Variants in ZFP82 observed in about 807,000 individuals in gnomAD.
ZFP82 encodes zinc finger protein 82 homolog.
In ZFP82, 30 loss-of-function variants were observed where a neutral mutation model predicts 54.0. The observed-to-expected ratio is 0.56, with a 90% CI of 0.42 to 0.75. The LOEUF (loss-of-function observed/expected upper bound fraction) is 0.75, where lower values mean the gene tolerates loss of function less well. Among genes scored for constraint, ZFP82 ranks in the 30% least tolerant of loss-of-function variants. The pLI is 0.00. For synonymous variants in ZFP82, 194 were observed against 209.5 expected, an observed-to-expected ratio of 0.93 and a Z score of 0.64; for missense variants, 500 against 636.8, an observed-to-expected ratio of 0.79 and a Z score of 2.31.
downstream of ZFP82, chr19:36,383,732 C>T (rs910857314): frequency 6.6e-5 from 10 of 152,112 alleles, no homozygotes; most frequent in African/African-American, 2.4e-4. Context: ...ATTGTATCCA[C>T]ATTTAACGTA....
rs1365419062 is a variant in ZFP82, at chr19:36,393,501, T to C, written c.839A>G (p.Lys280Arg). The C allele has an allele frequency of 6.2e-7, 1 of 1,614,172 alleles. No individual in the cohort carries two copies. The highest frequency in any genetic ancestry group is 8.5e-7 in the Non-Finnish European group (1 of 1,180,022). Residue 280 changes from lysine to arginine, a missense_variant, in exon 5 of 5, where the codon AAA becomes AGA. By Grantham distance (26) the Lys-to-Arg change is conservative (BLOSUM62 2). Transcript: ENST00000392161. ...TCCACACTCTTTACACACATAGGGT[T>C]TCTCACCAGTATGAATCCTCTGATG... ...TLHQRIHTGE[K>R]PYVCKECGKA...
rs370159081 is a variant in ZFP82, at chr19:36,393,388, C to A, written c.952G>T (p.Ala318Ser). The A allele has an allele frequency of 2.5e-6, 4 of 1,614,022 alleles. No homozygotes were observed. Among genetic ancestry groups the A allele is most frequent in the Admixed American group, 1.7e-5 (1 of 60,000 alleles). The change falls in exon 5 of 5, where the codon GCC becomes TCC. Residue 318 changes from alanine to serine, a missense_variant. By Grantham distance (99) the Ala-to-Ser change is moderately conservative (BLOSUM62 1). Coordinates refer to ENST00000392161, the MANE Select transcript of ZFP82 (RefSeq NM_133466.4). Reference protein sequence around the residue: ...RLYECKECGKAFLCGSGLRVH... With the variant: ...RLYECKECGKSFLCGSGLRVH... ...CTAAGACCAGAGCCACACAAAAAGG[C>A]CTTCCCACATTCTTTGCATTCATAG...
At chr19:36,406,875 AT>A (rs1381721901) in intron 3 of ZFP82, among the ~76,000 whole-genome samples, 5 of 152,118 alleles carry the variant, frequency 3.3e-5, no homozygotes, top group Admixed American at 3.3e-4. Flanking sequence ...GATACATGTC[AT>A]TGTGGAATTA....
intron 4 of ZFP82, among the ~76,000 whole-genome samples, chr19:36,403,842 T>G (rs2032436665): frequency 1.3e-5 from 2 of 148,354 alleles, no homozygotes. Flanking sequence ...ATATGAAACT[T>G]TAGTTGCTGA....
downstream of ZFP82, among the ~76,000 whole-genome samples, chr19:36,384,630 A>G (rs1311722604): frequency 6.6e-6 from 1 of 152,226 alleles, no homozygotes; most frequent in African/African-American, 2.4e-5. Flanking sequence ...TCCTTCAAGT[A>G]GGATTAAGTA....
chr19:36,389,923 G>T lies in ZFP82; in HGVS notation c.*2818C>A, dbSNP rs1483787101. Among the ~76,000 whole-genome samples the T allele has an allele frequency of 6.6e-6, 1 of 151,978 alleles. No homozygotes were observed. Among genetic ancestry groups the T allele is most frequent in the African/African-American group, 2.4e-5 (1 of 41,334 alleles). On this transcript the variant is annotated 3_prime_UTR_variant, in exon 5 of 5. Coordinates refer to ENST00000392161, the MANE Select transcript of ZFP82 (RefSeq NM_133466.4). ...TCATACACCAATTCAATATTCCCCT[G>T]CCCTAACTAGACAATTACGAATCCC... is the stretch of plus-strand genomic sequence containing the variant.
At chr19:36,411,203 A>AAG (rs397693623) in intron 1 of ZFP82, among the ~76,000 whole-genome samples, 5 of 151,372 alleles carry the variant, frequency 3.3e-5, no homozygotes, top group Admixed American at 3.3e-4. Flanking sequence ...AAAAAAAAAA[A>AAG]GGAAATAAAA....
intron 1 of ZFP82, among the ~76,000 whole-genome samples, chr19:36,411,699 A>C (rs2032582893): frequency 6.6e-6 from 1 of 152,094 alleles, no homozygotes; most frequent in South Asian, 2.1e-4. Context: ...CCCCGTCTCT[A>C]CTAAAAATAC....
intron 4 of ZFP82, among the ~76,000 whole-genome samples, chr19:36,399,878 T>G (rs1315045906): frequency 6.6e-6 from 1 of 152,208 alleles, no homozygotes; most frequent in African/African-American, 2.4e-5. Flanking sequence ...TTGGTTCCTA[T>G]TCTACTTTAA....
chr19:36,405,525 CAGTGA>C (rs2032465707), intron 4 of ZFP82, 50 bp downstream of exon 4: 1 of 1,332,568 alleles, frequency 7.5e-7, no homozygotes, highest in Non-Finnish European at 1.1e-6. Flanking sequence ...GTCTCTTCCC[CAGTGA>C]TCTGGGGTTC....
chr19:36,404,405 A>G (rs1272771710), intron 4 of ZFP82, among the ~76,000 whole-genome samples: 1 of 151,510 alleles, frequency 6.6e-6, no homozygotes. Context: ...CTCCCCCACC[A>G]CTCCACACTC....
At chr19:36,411,119 G>GC (rs374764745) in intron 1 of ZFP82, among the ~76,000 whole-genome samples, 536 of 41,832 alleles carry the variant, frequency 0.013, 1 homozygote, top group Admixed American at 0.055. Flanking sequence ...CTTGGACCTA[G>GC]GGGGGCGGAG....
rs1369260320 is a variant in ZFP82 at position 36,391,040 on chromosome 19, T to C, written c.*1701A>G. 6.6e-6 allele frequency: 1 copy of C among 152,344 alleles called. No individual in the cohort carries two copies. Among genetic ancestry groups the C allele is most frequent in the African/African-American group, 2.4e-5 (1 of 41,450 alleles). The allele number at this position is 152,344 out of a possible 1,614,324, so 9.4% of individuals were successfully genotyped here. ...GCCTCGGCCTCCCAAAGTGCTGGGA[T>C]TACAGGCTTGAGCCACCGCGCCTGG... On this transcript the variant is annotated 3_prime_UTR_variant, in exon 5 of 5. Transcript: ENST00000392161.
chr19:36,393,182 T>C lies in ZFP82; in HGVS notation c.1158A>G (p.Arg386=). ...CGTAAGGTTTTTCACCAGTATGAAT[T>C]CTGTGATGGAGAATAAGATGATAAC... is the stretch of plus-strand genomic sequence containing the variant. The part of the protein sequence containing the change: ...SRGYHLILHH[R]IHTGEKPYEC... Residue 386 remains arginine (R), a synonymous_variant, in exon 5 of 5, where the codon AGA becomes AGG. Transcript: ENST00000392161. The C allele has an allele frequency of 1.2e-6, 2 of 1,613,882 alleles. No individual in the cohort carries two copies. The highest frequency in any genetic ancestry group is 1.7e-6 in the Non-Finnish European group (2 of 1,179,922).
rs1219035754 is a variant in ZFP82, at chr19:36,393,918, A to T, written c.422T>A (p.Val141Glu). 1.2e-6 allele frequency: 2 copies of T among 1,614,194 alleles called. No homozygotes were observed. Among genetic ancestry groups the T allele is most frequent in the South Asian group, 1.1e-5 (1 of 91,084 alleles). The change falls in exon 5 of 5, where the codon GTG (valine) becomes GAG (glutamate). Residue 141 changes from valine (V) to glutamate (E), a missense_variant. Val to Glu is a moderately radical substitution (Grantham distance 121). Coordinates refer to ENST00000392161, the MANE Select transcript of ZFP82 (RefSeq NM_133466.4). Reference sequence around the variant, plus strand: ...GGACACCTTTTCAGATGGCATTTTCACACTACTGAAGTATCCTTCTTGAGG... The same window carrying T: ...GGACACCTTTTCAGATGGCATTTTCTCACTACTGAAGTATCCTTCTTGAGG... ...ERPQEGYFSS[V>E]KMPSEKVSSY...
Position 36,393,189 on chromosome 19 carries a change from TG to T in ZFP82, c.1150del (p.His384IlefsTer114). On this transcript the variant is annotated frameshift_variant, in exon 5 of 5. Transcript: ENST00000392161. LOFTEE classifies it high-confidence loss of function. ...TFSRGYHLILHHRIHTGEKPY... is the reference protein window; with the variant it reads ...TFSRGYHLILXHRIHTGEKPY... ...TTTTTCACCAGTATGAATTCTGTGA[TG>T]GAGAATAAGATGATAACCACGGCTA... 1 of 1,614,074 alleles carries T rather than the reference TG, an allele frequency of 6.2e-7. No homozygotes were observed. The highest frequency in any genetic ancestry group is 8.5e-7 in the Non-Finnish European group (1 of 1,179,958).
At position 36,392,787 on chromosome 19, in the gene ZFP82, T is replaced by A; in HGVS notation, c.1553A>T (p.His518Leu). The A allele has an allele frequency of 6.3e-7, 1 of 1,599,334 alleles. No homozygotes were observed. The highest frequency in any genetic ancestry group is 8.5e-7 in the Non-Finnish European group (1 of 1,175,094). The change falls in exon 5 of 5, where the codon CAT becomes CTT. Residue 518 changes from histidine (H) to leucine (L), a missense_variant. Physicochemically the swap from His to Leu is moderately conservative, Grantham distance 99. Coordinates refer to ENST00000392161, the MANE Select transcript of ZFP82 (RefSeq NM_133466.4). ...TTTCAGATGATGAGTAAGGTGTGAA[T>A]GTTGCCTAAAGGCCTTCTTACATTC... is the stretch of plus-strand genomic sequence containing the variant. ...CKECKKAFRQ[H>L]SHLTHHLKIH...
rs781175175 is a variant in ZFP82 at position 36,393,287 on chromosome 19, T to C, written c.1053A>G (p.Gln351=). The C allele has an allele frequency of 6.2e-6, 10 of 1,613,752 alleles. No homozygotes were observed. Among genetic ancestry groups the C allele is most frequent in the Admixed American group, 1.7e-5 (1 of 59,948 alleles). Residue 351 remains glutamine (Q), a synonymous_variant, in exon 5 of 5, where the codon CAA becomes CAG. Coordinates refer to ENST00000392161, the MANE Select transcript of ZFP82 (RefSeq NM_133466.4). The part of the protein sequence containing the change: ...KECGKAFRVR[Q]QLTLHQRIHT... ...GAATTCTCTGATGGAGTGTTAGTTG[T>C]TGTCGCACTCTAAAGGCCTTCCCGC...
At chr19:36,398,537 CAAA>C (rs145968955) in intron 4 of ZFP82, among the ~76,000 whole-genome samples, 2 of 131,552 alleles carry the variant, frequency 1.5e-5, no homozygotes, top group Non-Finnish European at 3.3e-5. Context: ...AACTCCATCT[CAAA>C]AAAAAAAAAA....
Sources: gnomAD v4.1 joint callset for allele counts (sites outside exome capture counted in the v4.1 genomes callset) on GRCh38, gnomAD v4.1.1 for gene constraint, MANE v1.5 for transcripts, NCBI Gene and HGNC (gene_info 2026-07-23, HGNC 2026-07-21) for gene names.